Variants in SRGAP2C observed in about 807,000 individuals in gnomAD.
SRGAP2C encodes SLIT-ROBO Rho GTPase activating protein 2C, also known as SLIT-ROBO Rho GTPase-activating protein 2C.
SRGAP2C carries 15 observed loss-of-function variants against 25.1 expected under a neutral mutation model. The ratio of observed to expected loss-of-function variants is 0.60; its 90% confidence interval spans 0.40 to 0.92. The LOEUF is 0.92. Among genes scored for constraint, SRGAP2C ranks in the 40% least tolerant of loss-of-function variants. The probability of loss-of-function intolerance (pLI) is 0.00; values close to 1 mark genes in which losing one functional copy is unlikely to be tolerated. For synonymous variants in SRGAP2C, 44 were observed against 96.6 expected (o/e 0.46, Z 3.19); for missense variants, 144 against 264.4 (o/e 0.54, Z 3.16).
intron 2 of SRGAP2C, among the ~76,000 whole-genome samples, chr1:121,208,663 A>T (rs1655175799): frequency 6.6e-6 from 1 of 151,788 alleles, no homozygotes; most frequent in African/African-American, 2.4e-5. Flanking sequence ...ATTTGTTTAC[A>T]CATCTCTTGT....
intron 4 of SRGAP2C, among the ~76,000 whole-genome samples, chr1:121,329,206 G>A (rs1458297273): frequency 4.2e-4 from 64 of 151,316 alleles, no homozygotes; most frequent in Middle Eastern, 3.4e-3. Context: ...GCAAGACTTC[G>A]TCTCAGAAAA....
At chr1:121,323,126 G>T (rs1553341306) in intron 3 of SRGAP2C, among the ~76,000 whole-genome samples, 2 of 150,728 alleles carry the variant, frequency 1.3e-5, no homozygotes, top group South Asian at 4.2e-4. Context: ...GTAGTTGTGG[G>T]GTTTAAGTCA....
At chr1:121,195,528 C>T (rs1296224747) in intron 2 of SRGAP2C, among the ~76,000 whole-genome samples, 7 of 133,042 alleles carry the variant, frequency 5.3e-5, no homozygotes, top group African/African-American at 8.5e-5. Context: ...CTAGGGGCTC[C>T]CACTGGAGAT....
chr1:121,199,748 TCACACCATTGCACTC>T (rs1377574607), intron 2 of SRGAP2C, among the ~76,000 whole-genome samples: 447 of 145,220 alleles, frequency 3.1e-3, no homozygotes, highest in Middle Eastern at 6.9e-3. Context: ...TGAGCCCAGA[TCACACCATTGCACTC>T]CAGCCTAGGT....
chr1:121,338,492 A>T (rs1658570206), intron 4 of SRGAP2C, among the ~76,000 whole-genome samples: 1 of 97,834 alleles, frequency 1.0e-5, no homozygotes, highest in Non-Finnish European at 2.0e-5. Context: ...CTGGTCTTTT[A>T]GTTTTTCTAC....
In SRGAP2C at chr1:121,277,780, GC is replaced by G. The variant is rs1429265141; in HGVS notation, c.68-7021del. 1.3e-3 allele frequency among the ~76,000 whole-genome samples: 152 copies of G among 114,548 alleles called. No homozygotes were observed. The Middle Eastern group carries it at 0.019, about 14-fold the overall frequency. 75.1% of individuals were successfully genotyped at this position (114,548 alleles called of 152,430 possible). On this transcript the variant is annotated intron_variant, in intron 2 of 9. Transcript: ENST00000367123. ...TTGTCCCCAGGTCTTCCATCTCCCA[GC>G]CAAGGCCTGGATTTGAGAAAGCACA...
chr1:121,384,687 G>T (rs1211946980), intron 8 of SRGAP2C, among the ~76,000 whole-genome samples: 1 of 134,284 alleles, frequency 7.4e-6, no homozygotes, highest in Non-Finnish European at 1.6e-5. Context: ...GAGCCAAACA[G>T]CTTGTCTCCA....
chr1:121,315,702 C>G (rs1278348324), intron 3 of SRGAP2C, among the ~76,000 whole-genome samples: 1 of 137,760 alleles, frequency 7.3e-6, no homozygotes, highest in Non-Finnish European at 1.5e-5. Flanking sequence ...GCTGATTTGG[C>G]AAGATTGGTG....
At chr1:121,223,983 C>T (rs1435371853) in intron 2 of SRGAP2C, among the ~76,000 whole-genome samples, 1 of 151,400 alleles carries the variant, frequency 6.6e-6, no homozygotes, top group African/African-American at 2.4e-5. Flanking sequence ...CTACTCACCT[C>T]ATTTTTACAG....
chr1:121,234,818 C>G (rs1361177338), intron 2 of SRGAP2C, among the ~76,000 whole-genome samples: 2 of 149,156 alleles, frequency 1.3e-5, no homozygotes, highest in Non-Finnish European at 2.9e-5. Context: ...CCCTCTTGCC[C>G]TCTTGCTCTT....
intron 2 of SRGAP2C, among the ~76,000 whole-genome samples, chr1:121,279,364 C>A (rs1197063561): frequency 2.8e-5 from 4 of 144,584 alleles, no homozygotes; most frequent in Non-Finnish European, 6.1e-5. Flanking sequence ...CTGAACACCC[C>A]CACTCCCTCA....
intron 3 of SRGAP2C, among the ~76,000 whole-genome samples, chr1:121,323,338 G>A (rs1302612255): frequency 5.3e-5 from 8 of 152,160 alleles, no homozygotes; most frequent in South Asian, 2.1e-4. Context: ...ATCTAGGGCC[G>A]GGCGCAGTGG....
At chr1:121,337,626 C>T (rs1426309162) in intron 4 of SRGAP2C, among the ~76,000 whole-genome samples, 9 of 138,772 alleles carry the variant, frequency 6.5e-5, no homozygotes, top group East Asian at 2.2e-4. Flanking sequence ...AGCAAAACTC[C>T]GACTCAAAAA....
chr1:121,338,467 A>C (rs1426398751), intron 4 of SRGAP2C, among the ~76,000 whole-genome samples: 1 of 58,458 alleles, frequency 1.7e-5, no homozygotes, highest in Non-Finnish European at 3.4e-5. Flanking sequence ...CTTTCCTTAC[A>C]ATACTGGACT....
intron 3 of SRGAP2C, among the ~76,000 whole-genome samples, chr1:121,304,238 C>T (rs1259830950): frequency 3.3e-5 from 4 of 120,692 alleles, no homozygotes; most frequent in African/African-American, 9.3e-5. Context: ...AAAAGAATTA[C>T]TAACCCATGC....
chr1:121,272,596 G>A (rs1553335457), intron 2 of SRGAP2C, among the ~76,000 whole-genome samples: 2 of 151,542 alleles, frequency 1.3e-5, no homozygotes, highest in Non-Finnish European at 2.9e-5. Flanking sequence ...AGGAATTCGG[G>A]GATTCTTTTT....
intron 2 of SRGAP2C, among the ~76,000 whole-genome samples, chr1:121,257,264 C>T (rs1314152135): frequency 6.9e-6 from 1 of 144,922 alleles, no homozygotes; most frequent in East Asian, 2.0e-4. Context: ...TACAGGCACG[C>T]ATCGCCATGC....
At chr1:121,235,197 T>C (rs1233556332) in intron 2 of SRGAP2C, among the ~76,000 whole-genome samples, 1 of 137,446 alleles carries the variant, frequency 7.3e-6, no homozygotes, top group Non-Finnish European at 1.5e-5. Context: ...CCGGCTAATT[T>C]TTTTTGTATT....
chr1:121,314,791 C>T (rs1335912513), intron 3 of SRGAP2C, among the ~76,000 whole-genome samples: 1 of 151,912 alleles, frequency 6.6e-6, no homozygotes, highest in African/African-American at 2.4e-5. Context: ...GTTCTCAGAT[C>T]TCCAGCTGCC....
Sources: gnomAD v4.1 joint callset for allele counts (sites outside exome capture counted in the v4.1 genomes callset) on GRCh38, gnomAD v4.1.1 for gene constraint, MANE v1.5 for transcripts, NCBI Gene and HGNC (gene_info 2026-07-23, HGNC 2026-07-21) for gene names.